Variants in DAB1 observed in about 807,000 individuals in gnomAD.
The protein encoded by DAB1 is DAB adaptor protein 1, also known as disabled homolog 1.
Under a neutral mutation model 64.6 loss-of-function variants are expected in DAB1, and 15 were observed. That is an observed-to-expected ratio of 0.23 (90% confidence interval 0.16 to 0.36). The LOEUF is 0.36. DAB1 is among the 10% of genes least tolerant of loss of function. The pLI is 1.00. For synonymous variants in DAB1, 235 were observed against 251.9 expected (o/e 0.93, Z 0.64); for missense variants, 596 against 706.7 (o/e 0.84, Z 1.78).
At chr1:58,408,320 C>T (rs762329230) in intron 3 of DAB1, among the ~76,000 whole-genome samples, 3 of 152,242 alleles carry the variant, frequency 2.0e-5, no homozygotes, top group Non-Finnish European at 4.4e-5. Flanking sequence ...TCAGTTGATA[C>T]TTCCTCACAC....
chr1:58,008,660 T>C (rs1321614644), intron 5 of DAB1, among the ~76,000 whole-genome samples: 1 of 152,164 alleles, frequency 6.6e-6, no homozygotes, highest in Non-Finnish European at 1.5e-5. Context: ...CTTCTGATGC[T>C]ACATAAAGCA....
At position 57,643,814 on chromosome 1, in the gene DAB1, G is replaced by A. The variant is rs534575202; in HGVS notation, n.625+5778C>T. ...CCTAGGCTTGGGCTAATCCGAGACT[G>A]GGTAGTCGGATTCAAGTTTGAAGGA... On this transcript the variant is annotated intron_variant and non_coding_transcript_variant, in intron 7 of 20. Transcript: ENST00000485760. 7.2e-5 allele frequency among the ~76,000 whole-genome samples: 11 copies of A among 152,298 alleles called. No homozygotes were observed. The South Asian group carries it at 2.1e-3, about 29-fold the overall frequency.
chr1:57,695,276 GGAA>G (rs1646811893), intron 6 of DAB1, among the ~76,000 whole-genome samples: 2 of 118,326 alleles, frequency 1.7e-5, no homozygotes, highest in African/African-American at 6.4e-5. Context: ...AAGGAAGGAA[GGAA>G]GGAAGAAAGG....
chr1:57,382,007 T>C (rs1681419942), intron 1 of DAB1, among the ~76,000 whole-genome samples: 1 of 152,108 alleles, frequency 6.6e-6, no homozygotes. Context: ...GGTGGCTTGT[T>C]TGTTTGTATA....
At chr1:57,005,792 T>A (rs1365230970) in intron 14 of DAB1, among the ~76,000 whole-genome samples, 1 of 152,216 alleles carries the variant, frequency 6.6e-6, no homozygotes, top group Non-Finnish European at 1.5e-5. Context: ...TTTTAGCAAG[T>A]TGTTAAACTC....
At chr1:57,036,903 C>A (rs1268407501) in intron 9 of DAB1, among the ~76,000 whole-genome samples, 1 of 152,042 alleles carries the variant, frequency 6.6e-6, no homozygotes, top group Non-Finnish European at 1.5e-5. Context: ...CAAGGAAGAC[C>A]AGATTCATGT....
intron 3 of DAB1, among the ~76,000 whole-genome samples, chr1:58,412,044 T>C (rs1485732674): frequency 6.6e-6 from 1 of 152,200 alleles, no homozygotes; most frequent in Admixed American, 6.5e-5. Flanking sequence ...TAACCCATTC[T>C]CTGACCATAG....
intron 2 of DAB1, among the ~76,000 whole-genome samples, chr1:57,277,101 G>C (rs537613660): frequency 6.6e-6 from 1 of 152,264 alleles, no homozygotes; most frequent in South Asian, 2.1e-4. Context: ...CCTATGACGT[G>C]CTAAAGTCCG....
intron 7 of DAB1, among the ~76,000 whole-genome samples, chr1:57,519,852 T>C (rs1278779534): frequency 6.6e-6 from 1 of 152,170 alleles, no homozygotes; most frequent in Non-Finnish European, 1.5e-5. Flanking sequence ...AAAAGTAATT[T>C]TTATTGTAAA....
chr1:57,884,365 G>T (rs979995108), upstream of DAB1, among the ~76,000 whole-genome samples: 1 of 152,184 alleles, frequency 6.6e-6, no homozygotes, highest in African/African-American at 2.4e-5. Flanking sequence ...AAGGGAACTT[G>T]TGAGGGTCTC....
chr1:57,888,938 G>C (rs1644266549), upstream of DAB1, among the ~76,000 whole-genome samples: 1 of 152,182 alleles, frequency 6.6e-6, no homozygotes, highest in Non-Finnish European at 1.5e-5. Context: ...CCTGTTCCTA[G>C]GTGCCCATTC....
chr1:58,199,954 C>T (rs928416734), intron 4 of DAB1, among the ~76,000 whole-genome samples: 9 of 152,066 alleles, frequency 5.9e-5, no homozygotes, highest in South Asian at 2.1e-4. Flanking sequence ...AGCCAAATGA[C>T]GGGGAAAGAG....
chr1:57,428,017 ACTT>A (rs1281545987), upstream of DAB1, among the ~76,000 whole-genome samples: 2 of 151,980 alleles, frequency 1.3e-5, no homozygotes, highest in Non-Finnish European at 2.9e-5. Flanking sequence ...AAAATGCAAA[ACTT>A]AGCCGGGCGT....
chr1:57,625,958 T>C (rs1645917461), intron 7 of DAB1, among the ~76,000 whole-genome samples: 1 of 152,210 alleles, frequency 6.6e-6, no homozygotes, highest in Non-Finnish European at 1.5e-5. Context: ...ATACTGTCTA[T>C]TAGCATTGTA....
At chr1:57,114,600 A>C (rs1214088790) in intron 4 of DAB1, among the ~76,000 whole-genome samples, 1 of 152,240 alleles carries the variant, frequency 6.6e-6, no homozygotes, top group Non-Finnish European at 1.5e-5. Context: ...TTAGCACTTC[A>C]GTATGAAGGA....
chr1:57,332,259 C>T (rs1202781768), intron 1 of DAB1, among the ~76,000 whole-genome samples: 1 of 152,170 alleles, frequency 6.6e-6, no homozygotes, highest in Non-Finnish European at 1.5e-5. Context: ...CCACAATGCC[C>T]AGCTGGGAGT....
At chr1:57,234,757 T>C (rs1417307102) in intron 2 of DAB1, among the ~76,000 whole-genome samples, 2 of 152,198 alleles carry the variant, frequency 1.3e-5, no homozygotes, top group Non-Finnish European at 2.9e-5. Context: ...AAGAACCCAT[T>C]TTTAAGTTCA....
At chr1:58,448,723 G>C (rs1373420233) in intron 3 of DAB1, among the ~76,000 whole-genome samples, 7 of 152,200 alleles carry the variant, frequency 4.6e-5, no homozygotes, top group Non-Finnish European at 2.9e-5. Flanking sequence ...TCCCATTAAT[G>C]TCTCAGAAAT....
At chr1:57,021,434 A>G (rs568252428) in intron 11 of DAB1, among the ~76,000 whole-genome samples, 2 of 152,286 alleles carry the variant, frequency 1.3e-5, no homozygotes, top group East Asian at 3.9e-4. Flanking sequence ...AGATAAATGA[A>G]TCATGGGGGT....
Sources: gnomAD v4.1 joint callset for allele counts (sites outside exome capture counted in the v4.1 genomes callset) on GRCh38, gnomAD v4.1.1 for gene constraint, MANE v1.5 for transcripts, NCBI Gene and HGNC (gene_info 2026-07-23, HGNC 2026-07-21) for gene names.